NAALADL2: variants seen among roughly 807,000 people sequenced by gnomAD.
The protein encoded by NAALADL2 is N-acetylated alpha-linked acidic dipeptidase like 2, also known as inactive N-acetylated-alpha-linked acidic dipeptidase-like protein 2.
A neutral mutation model predicts 87.2 loss-of-function variants in NAALADL2; 76 were observed. The ratio of observed to expected loss-of-function variants is 0.87; its 90% confidence interval spans 0.72 to 1.05. The LOEUF (loss-of-function observed/expected upper bound fraction) is 1.05. Ranked by LOEUF, NAALADL2 falls within the 50% of genes least tolerant of loss-of-function variation. The pLI, the probability that NAALADL2 is intolerant of heterozygous loss-of-function variation, is 0.00. For synonymous variants in NAALADL2, 354 were observed against 331.0 expected, an observed-to-expected ratio of 1.07 and a Z score of -0.75; for missense variants, 1,089 against 945.8, an observed-to-expected ratio of 1.15 and a Z score of -1.99.
chr3:175,031,409 G>T (rs898986878), intron 1 of NAALADL2, among the ~76,000 whole-genome samples: 4 of 152,040 alleles, frequency 2.6e-5, no homozygotes, highest in Admixed American at 1.3e-4. Flanking sequence ...TTAGGATAAT[G>T]GCCTTCGCTT....
intron 3 of NAALADL2, among the ~76,000 whole-genome samples, chr3:174,827,380 G>A (rs997285266): frequency 2.6e-5 from 4 of 152,168 alleles, no homozygotes; most frequent in African/African-American, 9.7e-5. Context: ...CTTCCTGAAA[G>A]CATGGAGGGG....
At chr3:175,601,507 CAAGTTAT>C (rs1722973062) in intron 10 of NAALADL2, among the ~76,000 whole-genome samples, 3 of 152,068 alleles carry the variant, frequency 2.0e-5, no homozygotes, top group Non-Finnish European at 4.4e-5. Context: ...CGATATGGAG[CAAGTTAT>C]AAGTTCACAG....
intron 2 of NAALADL2, among the ~76,000 whole-genome samples, chr3:174,586,005 T>C (rs1407460078): frequency 6.6e-6 from 1 of 152,226 alleles, no homozygotes; most frequent in Admixed American, 6.5e-5. Context: ...TGCATTAATA[T>C]ATGAAAAGTT....
chr3:174,972,714 G>C (rs2108614069), intron 1 of NAALADL2, among the ~76,000 whole-genome samples: 1 of 152,170 alleles, frequency 6.6e-6, no homozygotes, highest in Non-Finnish European at 1.5e-5. Flanking sequence ...ATCCCACTTA[G>C]GCCTGGGGCA....
chr3:175,337,117 C>T (rs1160679677), intron 5 of NAALADL2, among the ~76,000 whole-genome samples: 1 of 148,846 alleles, frequency 6.7e-6, no homozygotes, highest in Admixed American at 6.6e-5. Flanking sequence ...ATTGGAATTA[C>T]AATTCTTATG....
Position 175,803,178 on chromosome 3 carries a change from A to C in NAALADL2, c.2363A>C (p.Lys788Thr). The C allele has an allele frequency of 6.2e-7, 1 of 1,610,004 alleles. No individual in the cohort carries two copies. The highest frequency in any genetic ancestry group is 8.5e-7 in the Non-Finnish European group (1 of 1,178,038). ...TTCAAAGCAGGACTTGATGTGTTCAAGAGTGTCTTGGATGGGAAGAATTGA... is the reference window on the plus strand; with the variant it reads ...TTCAAAGCAGGACTTGATGTGTTCACGAGTGTCTTGGATGGGAAGAATTGA... ...VYFKAGLDVF[K>T]SVLDGKN is the part of the protein sequence containing the mutation. The change falls in exon 14 of 14, where the codon AAG (lysine) becomes ACG (threonine). Residue 788 changes from lysine to threonine, a missense_variant. By Grantham distance (78) the Lys-to-Thr change is moderately conservative. Coordinates refer to ENST00000454872, the MANE Select transcript of NAALADL2 (RefSeq NM_207015.3).
chr3:175,150,151 G>A (rs1298413765), intron 2 of NAALADL2, among the ~76,000 whole-genome samples: 1 of 152,124 alleles, frequency 6.6e-6, no homozygotes, highest in East Asian at 1.9e-4. Context: ...ATCTTTCTAT[G>A]TTTTATAACA....
chr3:175,717,903 G>A (rs1351382311), intron 11 of NAALADL2, among the ~76,000 whole-genome samples: 3 of 147,188 alleles, frequency 2.0e-5, no homozygotes, highest in Non-Finnish European at 3.0e-5. Context: ...TTCACCTCCC[G>A]GGCTCAAGAG....
intron 5 of NAALADL2, among the ~76,000 whole-genome samples, chr3:175,404,777 G>A (rs180803081): frequency 1.4e-4 from 22 of 152,212 alleles, no homozygotes; most frequent in Non-Finnish European, 3.1e-4. Context: ...TGTACAAGTT[G>A]ACCTCATATA....
At position 175,808,824 on chromosome 3, in the gene NAALADL2, A is replaced by G. The variant is rs963648775; in HGVS notation, c.*5621A>G. 1 of 152,012 alleles carries G rather than the reference A, an allele frequency of 6.6e-6. No homozygotes were observed. The highest frequency in any genetic ancestry group is 1.5e-5 in the Non-Finnish European group (1 of 67,936). The allele number at this position is 152,012 out of a possible 1,614,324, so 9.4% of individuals were successfully genotyped here. A position where few individuals can be genotyped will look rare whatever the true frequency, so the allele number is the denominator to read the frequency against. ...ATTAAAGTACAAACGTGGCATCTGA[A>G]TAGAAGCTTAGCTAGAGAAGTGGAG... On this transcript the variant is annotated 3_prime_UTR_variant, in exon 14 of 14. Transcript: ENST00000454872.
At chr3:175,221,725 ATTTC>A (rs1253479668) in intron 2 of NAALADL2, among the ~76,000 whole-genome samples, 8 of 151,546 alleles carry the variant, frequency 5.3e-5, no homozygotes, top group Non-Finnish European at 5.9e-5. Context: ...GGTTATTTTT[ATTTC>A]TTTATTTTTG....
At chr3:175,135,267 G>C (rs1011738566) in intron 2 of NAALADL2, among the ~76,000 whole-genome samples, 1 of 152,110 alleles carries the variant, frequency 6.6e-6, no homozygotes, top group East Asian at 1.9e-4. Flanking sequence ...CCTGTGAGGG[G>C]TTTATTTCAA....
chr3:174,949,532 G>A (rs535844682), intron 1 of NAALADL2, among the ~76,000 whole-genome samples: 6 of 152,052 alleles, frequency 3.9e-5, no homozygotes, highest in African/African-American at 1.4e-4. Context: ...TCAGTAATCA[G>A]CTATTATTGG....
At chr3:175,258,324 C>CA (rs1287997792) in intron 4 of NAALADL2, among the ~76,000 whole-genome samples, 1,556 of 100,586 alleles carry the variant, frequency 0.015, 18 homozygotes, top group African/African-American at 0.024. Context: ...CCCCCACCAC[C>CA]AAAAAAAAAA....
chr3:175,070,688 A>G (rs1343551830), intron 1 of NAALADL2, among the ~76,000 whole-genome samples: 1 of 152,050 alleles, frequency 6.6e-6, no homozygotes, highest in Non-Finnish European at 1.5e-5. Flanking sequence ...ATATTATTTC[A>G]GTTGACTTTT....
rs956760612 is a variant in NAALADL2, at chr3:175,232,576, A to T, written c.546-1355A>T. Among the ~76,000 whole-genome samples the T allele has an allele frequency of 5.7e-4, 86 of 152,158 alleles. 1 individual carries two copies. Among genetic ancestry groups the T allele is most frequent in the Admixed American group, 5.2e-3 (80 of 15,258 alleles). On this transcript the variant is annotated intron_variant, in intron 2 of 13. Coordinates refer to ENST00000454872, the MANE Select transcript of NAALADL2 (RefSeq NM_207015.3). Reference sequence around the variant, plus strand: ...TAGCTGATAAGCTCAAATAAAAATTAAAAAAATCTTTTACAAAGTCTCAAA... The same window carrying T: ...TAGCTGATAAGCTCAAATAAAAATTTAAAAAATCTTTTACAAAGTCTCAAA...
chr3:174,829,097 T>TTTGTTG (rs143504378), intron 3 of NAALADL2, among the ~76,000 whole-genome samples: 22 of 150,264 alleles, frequency 1.5e-4, no homozygotes, highest in Non-Finnish European at 2.5e-4. Flanking sequence ...TCTGTTTTTT[T>TTTGTTG]TTGTTGTTGT....
rs1553906940 is a variant in NAALADL2 at position 174,971,665 on chromosome 3, C to CTTTG, written c.43+112216_43+112217insTTGT. Among the ~76,000 whole-genome samples the CTTTG allele has an allele frequency of 7.8e-3, 1,131 of 144,816 alleles. 11 individuals are homozygous for CTTTG. The highest frequency in any genetic ancestry group is 0.01 in the Non-Finnish European group (685 of 66,016). ...CAACTCAAACAGTCAGTATGCTAGACTGTGTGTGTGTGTGTGTGTGTGTGT... is the reference window on the plus strand; with the variant it reads ...CAACTCAAACAGTCAGTATGCTAGACTTTGTGTGTGTGTGTGTGTGTGTGTGTGT... On this transcript the variant is annotated intron_variant, in intron 1 of 13. Coordinates refer to ENST00000454872, the MANE Select transcript of NAALADL2 (RefSeq NM_207015.3).
chr3:175,114,075 G>T (rs1724682576), intron 2 of NAALADL2, among the ~76,000 whole-genome samples: 1 of 151,594 alleles, frequency 6.6e-6, no homozygotes, highest in Non-Finnish European at 1.5e-5. Flanking sequence ...CCATTTGTTA[G>T]GAAGTAGGAG....
Sources: gnomAD v4.1 joint callset for allele counts (sites outside exome capture counted in the v4.1 genomes callset) on GRCh38, gnomAD v4.1.1 for gene constraint, MANE v1.5 for transcripts, NCBI Gene and HGNC (gene_info 2026-07-23, HGNC 2026-07-21) for gene names.